The following BRINP3 variants were observed in gnomAD, a reference collection of about 807,000 sequenced individuals.
The protein encoded by BRINP3 is BMP/retinoic acid-inducible neural-specific protein 3.
A neutral mutation model predicts 71.0 loss-of-function variants in BRINP3; 19 were observed. The ratio of observed to expected loss-of-function variants is 0.27; its 90% CI spans 0.19 to 0.39. BRINP3 has a LOEUF of 0.39. Among genes scored for constraint, BRINP3 ranks in the 10% least tolerant of loss-of-function variants. The pLI, the probability that BRINP3 is intolerant of heterozygous loss-of-function variation, is 1.00. For missense variants in BRINP3, 959 were observed against 940.8 expected, an observed-to-expected ratio of 1.02 and a Z score of -0.25; for synonymous variants, 380 against 337.7, an observed-to-expected ratio of 1.13 and a Z score of -1.37.
chr1:190,098,946 G>A lies in BRINP3; in HGVS notation c.1373C>T (p.Thr458Ile). 1 of 1,614,162 alleles carries A rather than the reference G, an allele frequency of 6.2e-7. No homozygotes were observed. Among genetic ancestry groups the A allele is most frequent in the Non-Finnish European group, 8.5e-7 (1 of 1,180,032 alleles). ...ACLTCAPDNR[T>I]RCGTCNTGYM... The stretch of plus-strand genomic sequence containing the variant: ...GCCGGTGTTGCAGGTGCCGCAGCGG[G>A]TGCGGTTGTCTGGTGCGCATGTCAG... Residue 458 changes from threonine (T) to isoleucine (I), a missense_variant, in exon 8 of 8, where the codon ACC becomes ATC. By Grantham distance (89) the Thr-to-Ile change is moderately conservative (BLOSUM62 -1). Transcript: ENST00000367462.
At chr1:190,432,203 G>A (rs2102512888) in intron 2 of BRINP3, among the ~76,000 whole-genome samples, 1 of 152,204 alleles carries the variant, frequency 6.6e-6, no homozygotes, top group South Asian at 2.1e-4. Context: ...TTATGGCCCA[G>A]TAAATATAGC....
intron 7 of BRINP3, among the ~76,000 whole-genome samples, chr1:190,132,367 A>G (rs1322333209): frequency 6.6e-6 from 1 of 152,030 alleles, no homozygotes; most frequent in African/African-American, 2.4e-5. Context: ...CAATTTTCGT[A>G]GTGTATTGTA....
At chr1:190,432,195 A>G (rs1325422531) in intron 2 of BRINP3, among the ~76,000 whole-genome samples, 2 of 152,200 alleles carry the variant, frequency 1.3e-5, no homozygotes, top group African/African-American at 2.4e-5. Context: ...GAGTCAAATT[A>G]TGGCCCAGTA....
intron 2 of BRINP3, among the ~76,000 whole-genome samples, chr1:190,328,686 T>G (rs1418449073): frequency 6.7e-6 from 1 of 148,994 alleles, no homozygotes. Context: ...GAAGCCAGCA[T>G]TACCCTGATA....
chr1:190,133,456 T>G (rs1486823372), intron 7 of BRINP3, among the ~76,000 whole-genome samples: 2 of 152,036 alleles, frequency 1.3e-5, no homozygotes, highest in Non-Finnish European at 2.9e-5. Flanking sequence ...AGCAGCATAT[T>G]TACTGTGGCA....
chr1:190,174,221 T>C (rs1652283904), intron 6 of BRINP3, among the ~76,000 whole-genome samples: 2 of 152,136 alleles, frequency 1.3e-5, no homozygotes, highest in South Asian at 4.1e-4. Flanking sequence ...CTCCCTTTTA[T>C]TGTCAAGGGA....
chr1:190,257,633 G>T (rs1370197033), intron 4 of BRINP3, among the ~76,000 whole-genome samples: 6 of 152,176 alleles, frequency 3.9e-5, no homozygotes, highest in Non-Finnish European at 8.8e-5. Flanking sequence ...TTTGGTCTTT[G>T]ATGTTGGTAA....
At chr1:190,388,817 CAA>C (rs1671070924) in intron 2 of BRINP3, among the ~76,000 whole-genome samples, 1 of 151,680 alleles carries the variant, frequency 6.6e-6, no homozygotes, top group Admixed American at 6.6e-5. Context: ...GAAAATTCAT[CAA>C]AGATGTGATT....
intron 2 of BRINP3, among the ~76,000 whole-genome samples, chr1:190,436,467 T>C (rs1674462191): frequency 6.6e-6 from 1 of 151,792 alleles, no homozygotes; most frequent in South Asian, 2.1e-4. Context: ...CCCATACCTA[T>C]GGGACAAACT....
At chr1:190,344,517 T>G (rs1667885867) in intron 2 of BRINP3, among the ~76,000 whole-genome samples, 1 of 151,860 alleles carries the variant, frequency 6.6e-6, no homozygotes, top group Non-Finnish European at 1.5e-5. Flanking sequence ...AGTTCACAAT[T>G]TTCTACTCAG....
chr1:190,381,401 C>A (rs1431760316), intron 2 of BRINP3, among the ~76,000 whole-genome samples: 1 of 152,114 alleles, frequency 6.6e-6, no homozygotes, highest in East Asian at 1.9e-4. Context: ...ATGTACCAAG[C>A]CAGCCCTGAG....
At chr1:190,204,055 G>T (rs536045434) in intron 6 of BRINP3, among the ~76,000 whole-genome samples, 12 of 150,878 alleles carry the variant, frequency 8.0e-5, no homozygotes, top group Non-Finnish European at 1.3e-4. Context: ...AAAACATTTG[G>T]GCATATAGAT....
chr1:190,114,693 C>A (rs1195285790), intron 7 of BRINP3, among the ~76,000 whole-genome samples: 1 of 152,052 alleles, frequency 6.6e-6, no homozygotes, highest in Non-Finnish European at 1.5e-5. Flanking sequence ...GGAATCCTTA[C>A]AGTGGCCCGT....
rs188770156 is a variant in BRINP3 at position 190,360,728 on chromosome 1, T to A, written c.237-78978A>T. ...GGAAAACATGTGACTTGTATTTCAA[T>A]CTATTCCCAGCTGTGTTTTTCCTGT... On this transcript the variant is annotated intron_variant, in intron 2 of 7. Coordinates refer to ENST00000367462, the MANE Select transcript of BRINP3 (RefSeq NM_199051.3). Among the ~76,000 whole-genome samples, 4 of 152,172 alleles carry A rather than the reference T, an allele frequency of 2.6e-5. 1 individual carries two copies. Among genetic ancestry groups the A allele is most frequent in the Admixed American group, 2.6e-4 (4 of 15,260 alleles).
At position 190,464,438 on chromosome 1, in the gene BRINP3, T is replaced by C. The variant is rs187525937; in HGVS notation, c.-50-9498A>G. 8.0e-4 allele frequency among the ~76,000 whole-genome samples: 122 copies of C among 152,094 alleles called. 2 individuals carry two copies. The highest frequency in any genetic ancestry group is 7.9e-3 in the Admixed American group (120 of 15,254). The stretch of plus-strand genomic sequence containing the variant: ...ATTTTACAATATGCTGTTGTTATTC[T>C]TTTTAACACCTTTGTTCATATGACC... On this transcript the variant is annotated intron_variant, in intron 1 of 7. Coordinates refer to ENST00000367462, the MANE Select transcript of BRINP3 (RefSeq NM_199051.3).
At chr1:190,118,596 G>A (rs1192267219) in intron 7 of BRINP3, among the ~76,000 whole-genome samples, 2 of 152,110 alleles carry the variant, frequency 1.3e-5, no homozygotes, top group South Asian at 4.1e-4. Flanking sequence ...ATCACAGCCT[G>A]GAGCAAAGTA....
At chr1:190,152,514 C>T (rs1295748718) in intron 7 of BRINP3, among the ~76,000 whole-genome samples, 4 of 140,616 alleles carry the variant, frequency 2.8e-5, no homozygotes, top group East Asian at 4.3e-4. Context: ...ATATATATCG[C>T]CACAGAATCT....
At chr1:190,452,378 C>A (rs552641104) in intron 2 of BRINP3, among the ~76,000 whole-genome samples, 120 of 152,190 alleles carry the variant, frequency 7.9e-4, no homozygotes, top group Non-Finnish European at 1.6e-3. Context: ...TTTATTCAAG[C>A]CACAAAGGTA....
At chr1:190,389,190 G>C (rs1292229014) in intron 2 of BRINP3, among the ~76,000 whole-genome samples, 2 of 151,534 alleles carry the variant, frequency 1.3e-5, no homozygotes, top group African/African-American at 4.8e-5. Flanking sequence ...GCATTATATT[G>C]TTTACCAGTT....
Sources: allele counts gnomAD v4.1 joint callset (sites outside exome capture counted in the v4.1 genomes callset), GRCh38; gene constraint gnomAD v4.1.1; transcripts MANE v1.5; gene names NCBI Gene and HGNC (gene_info 2026-07-23, HGNC 2026-07-21).